RDX: variants seen among roughly 807,000 people sequenced by gnomAD.
RDX encodes the protein deafness, autosomal recessive 24.
A neutral mutation model predicts 83.7 loss-of-function variants in RDX; 32 were observed. The ratio of observed to expected loss-of-function variants is 0.38; its 90% CI spans 0.29 to 0.51. The LOEUF is 0.51. Among genes scored for constraint, RDX ranks in the 20% least tolerant of loss-of-function variants. RDX has a pLI of 0.87. For synonymous variants in RDX, 229 were observed against 222.7 expected, an observed-to-expected ratio of 1.03 and a Z score of -0.25; for missense variants, 600 against 689.9, an observed-to-expected ratio of 0.87 and a Z score of 1.46.
chr11:110,181,841 G>GA (rs34758357), intron 15 of RDX: 1 of 152,072 alleles, frequency 6.6e-6, no homozygotes, highest in Non-Finnish European at 1.5e-5. Context: ...GCAGTGGCCT[G>GA]AAAAAAAAGG....
chr11:110,272,193 A>T (rs567540821), intron 3 of RDX, among the ~76,000 whole-genome samples: 1 of 152,040 alleles, frequency 6.6e-6, no homozygotes, highest in African/African-American at 2.4e-5. Context: ...TATGCCTTTC[A>T]CTCCTGCTGT....
chr11:110,243,234 C>T (rs1318371071), intron 10 of RDX, among the ~76,000 whole-genome samples: 1 of 151,838 alleles, frequency 6.6e-6, no homozygotes, highest in Non-Finnish European at 1.5e-5. Context: ...AGAAAAAAAC[C>T]AAAAACCAAA....
intron 10 of RDX, among the ~76,000 whole-genome samples, chr11:110,238,781 A>G (rs966569530): frequency 6.6e-6 from 1 of 151,946 alleles, no homozygotes; most frequent in Non-Finnish European, 1.5e-5. Context: ...AAAATTAGCC[A>G]GGCATGGTGA....
intron 15 of RDX, among the ~76,000 whole-genome samples, chr11:110,186,280 G>A (rs755878640): frequency 1.3e-5 from 2 of 151,848 alleles, no homozygotes; most frequent in African/African-American, 2.4e-5. Flanking sequence ...GTGCAGAAGA[G>A]AGCCAAGAAG....
chr11:110,209,407 G>T (rs1282556336), intron 14 of RDX, among the ~76,000 whole-genome samples: 1 of 151,780 alleles, frequency 6.6e-6, no homozygotes. Flanking sequence ...CAGCGAGGCT[G>T]GGGGAGGGGC....
At chr11:110,184,082 G>A (rs1194997386) in intron 15 of RDX, among the ~76,000 whole-genome samples, 2 of 152,210 alleles carry the variant, frequency 1.3e-5, no homozygotes, top group African/African-American at 2.4e-5. Context: ...GCAAGATACA[G>A]ATACTGTAGA....
chr11:110,271,825 T>A (rs536163474), intron 3 of RDX, among the ~76,000 whole-genome samples: 1 of 152,172 alleles, frequency 6.6e-6, no homozygotes, highest in African/African-American at 2.4e-5. Flanking sequence ...GATCTCTGTA[T>A]AGCCTATACA....
In RDX at chr11:110,181,164, CTTT is replaced by C. The variant is rs34297768; in HGVS notation, c.*32-5933_*32-5931del. On this transcript the variant is annotated intron_variant, in intron 15 of 15. Transcript: ENST00000528498. ...CACGCACACCAGCTCAGGGCTGCAT[CTTT>C]TTTTTTTTTTTTGAGACGGAGTCTT... Among the ~76,000 whole-genome samples the C allele has an allele frequency of 5.2e-3, 739 of 142,948 alleles. 7 individuals are homozygous for C. The highest frequency in any genetic ancestry group is 0.016 in the African/African-American group (605 of 38,500). 93.8% of individuals were successfully genotyped at this position (142,948 alleles called of 152,430 possible).
At chr11:110,240,744 C>CA (rs1298350227) in intron 10 of RDX, among the ~76,000 whole-genome samples, 1,223 of 62,728 alleles carry the variant, frequency 0.019, 28 homozygotes, top group African/African-American at 0.053. Flanking sequence ...GACTCCGTCT[C>CA]AAAAAAAAAA....
At chr11:110,215,632 G>C (rs1167456927) in intron 14 of RDX, among the ~76,000 whole-genome samples, 3 of 152,136 alleles carry the variant, frequency 2.0e-5, no homozygotes, top group Non-Finnish European at 4.4e-5. Context: ...ATTTAAAGCA[G>C]TCTTCTTTGG....
intron 14 of RDX, among the ~76,000 whole-genome samples, chr11:110,206,462 T>A (rs1863608445): frequency 6.6e-6 from 1 of 151,888 alleles, no homozygotes. Context: ...TTGTATAAAG[T>A]TCATGTGTGG....
chr11:110,216,588 G>C (rs1864063444), intron 14 of RDX, among the ~76,000 whole-genome samples: 2 of 146,492 alleles, frequency 1.4e-5, no homozygotes, highest in Non-Finnish European at 3.0e-5. Context: ...ATGTCGCCCA[G>C]ACTGGTCTCA....
At chr11:110,265,870 CCTG>C (rs1163025662) in intron 3 of RDX, among the ~76,000 whole-genome samples, 3 of 152,128 alleles carry the variant, frequency 2.0e-5, no homozygotes, top group Admixed American at 6.6e-5. Context: ...CTTTATCTAT[CCTG>C]CTATTAGAAA....
chr11:110,264,753 GT>G, intron 4 of RDX, 25 bp downstream of exon 4: 1 of 1,455,410 alleles, frequency 6.9e-7, no homozygotes, highest in South Asian at 1.2e-5. Context: ...ATAATTATTA[GT>G]TTAATGTTAT....
At chr11:110,244,450 A>G (rs987537041) in intron 10 of RDX, among the ~76,000 whole-genome samples, 10 of 151,982 alleles carry the variant, frequency 6.6e-5, no homozygotes, top group Non-Finnish European at 1.2e-4. Context: ...ATGTTAAACA[A>G]AAGAAGCCAG....
intron 1 of RDX, among the ~76,000 whole-genome samples, chr11:110,283,450 G>A (rs756026255): frequency 2.0e-5 from 3 of 151,968 alleles, no homozygotes; most frequent in African/African-American, 2.4e-5. Context: ...CACACACCCG[G>A]CCTAAAAAAC....
chr11:110,207,406 G>C (rs1401649527), intron 14 of RDX, among the ~76,000 whole-genome samples: 1 of 152,176 alleles, frequency 6.6e-6, no homozygotes, highest in East Asian at 1.9e-4. Flanking sequence ...ACTGCCAAAA[G>C]TTGTTCAAGT....
chr11:110,278,135 T>C (rs796071354), intron 2 of RDX, among the ~76,000 whole-genome samples: 2 of 152,310 alleles, frequency 1.3e-5, no homozygotes, highest in African/African-American at 4.8e-5. Context: ...TATTTTCATT[T>C]CACCGATCCT....
intron 3 of RDX, among the ~76,000 whole-genome samples, chr11:110,265,515 T>C (rs1859999796): frequency 6.6e-6 from 1 of 151,528 alleles, no homozygotes; most frequent in Non-Finnish European, 1.5e-5. Flanking sequence ...TATATATATA[T>C]ATATAGTTTT....
Sources: allele counts gnomAD v4.1 joint callset (sites outside exome capture counted in the v4.1 genomes callset), GRCh38; gene constraint gnomAD v4.1.1; transcripts MANE v1.5; gene names NCBI Gene and HGNC (gene_info 2026-07-23, HGNC 2026-07-21).